Variants in GLI3 observed in about 807,000 individuals in gnomAD.
GLI3 encodes transcription activator GLI3.
GLI3 carries 20 observed loss-of-function variants against 100.8 expected under a neutral mutation model. The observed-to-expected ratio is 0.20, with a 90% CI of 0.14 to 0.29. The LOEUF is 0.29. Among genes scored for constraint, GLI3 ranks in the 10% least tolerant of loss-of-function variants. The pLI is 1.00. For missense variants in GLI3, 2,040 were observed against 2,128.5 expected (o/e 0.96, Z 0.82); for synonymous variants, 938 against 860.5 (o/e 1.09, Z -1.58).
chr7:42,197,526 A>G (rs1443600911), intron 2 of GLI3, among the ~76,000 whole-genome samples: 1 of 152,234 alleles, frequency 6.6e-6, no homozygotes, highest in Non-Finnish European at 1.5e-5. Context: ...CCTTGGGGCC[A>G]TATGTTCAAG....
At chr7:41,999,637 G>A (rs1172277941) in intron 10 of GLI3, among the ~76,000 whole-genome samples, 2 of 152,134 alleles carry the variant, frequency 1.3e-5, no homozygotes, top group African/African-American at 2.4e-5. Context: ...ATCTGTCGCC[G>A]ATGGATATGT....
intron 10 of GLI3, among the ~76,000 whole-genome samples, chr7:42,000,296 T>C (rs920969077): frequency 2.0e-5 from 3 of 152,238 alleles, no homozygotes; most frequent in African/African-American, 7.2e-5. Flanking sequence ...ATATAAACTT[T>C]ACGACTTGCT....
At position 42,023,567 on chromosome 7, in the gene GLI3, G is replaced by T; in HGVS notation, c.1398C>A (p.Asp466Glu). 6.2e-7 allele frequency: 1 copy of T among 1,612,700 alleles called. No individual in the cohort carries two copies. Among genetic ancestry groups the T allele is most frequent in the Non-Finnish European group, 8.5e-7 (1 of 1,179,612 alleles). The part of the protein sequence containing the change: ...EGTTLVKEEG[D>E]KDESKQEPEV... ...CAGGCTCCTGTTTGCTTTCATCTTT[G>T]TCCCCTTCCTCCTTGACAAGGGTTG... The change falls in exon 10 of 15, where the codon GAC becomes GAA. Residue 466 changes from aspartate (D) to glutamate (E), a missense_variant. Asp to Glu is a conservative substitution (Grantham distance 45). Around this residue, in one of 5 missense-constraint regions of GLI3, gnomAD observed 603 missense variants for 690.9 expected, o/e 0.87. Coordinates refer to ENST00000395925, the MANE Select transcript of GLI3 (RefSeq NM_000168.6).
intron 7 of GLI3, among the ~76,000 whole-genome samples, chr7:42,035,172 C>T (rs552622648): frequency 8.0e-4 from 93 of 116,752 alleles, no homozygotes; most frequent in African/African-American, 3.5e-3. Flanking sequence ...TTAAAGACGT[C>T]GGTAATTTGG....
chr7:41,977,493 T>C (rs993201079), intron 12 of GLI3, 65 bp downstream of exon 12: 94 of 1,530,574 alleles, frequency 6.1e-5, no homozygotes, highest in Non-Finnish European at 8.4e-5. Flanking sequence ...CGCCTTCCCA[T>C]GTGCCTTCCC....
At chr7:42,241,948 C>T (rs758659475), upstream of GLI3, among the ~76,000 whole-genome samples, 2 of 152,148 alleles carry the variant, frequency 1.3e-5, no homozygotes, top group Non-Finnish European at 2.9e-5. Context: ...TTTTCTGTAT[C>T]CCGCTTTTTC....
At chr7:42,054,110 G>A (rs2128744535) in intron 4 of GLI3, among the ~76,000 whole-genome samples, 1 of 152,274 alleles carries the variant, frequency 6.6e-6, no homozygotes, top group Admixed American at 6.5e-5. Flanking sequence ...AGTGGAAACT[G>A]TTTGTTGGTG....
At chr7:42,065,838 T>C (rs1784662737) in intron 4 of GLI3, among the ~76,000 whole-genome samples, 1 of 152,144 alleles carries the variant, frequency 6.6e-6, no homozygotes, top group Non-Finnish European at 1.5e-5. Context: ...GAAAACCAAA[T>C]GACTTAGTAG....
At chr7:42,127,950 C>T (rs867557091) in intron 3 of GLI3, among the ~76,000 whole-genome samples, 29 of 146,588 alleles carry the variant, frequency 2.0e-4, no homozygotes, top group African/African-American at 4.5e-4. Flanking sequence ...AGGCAGGAGG[C>T]GGAAGTTGCA....
At chr7:42,162,183 T>C (rs2128794071) in intron 2 of GLI3, among the ~76,000 whole-genome samples, 1 of 152,328 alleles carries the variant, frequency 6.6e-6, no homozygotes, top group Non-Finnish European at 1.5e-5. Context: ...GGCCTCTTCT[T>C]CAGGTTTTGA....
intron 2 of GLI3, among the ~76,000 whole-genome samples, chr7:42,217,985 AG>A (rs571160954): frequency 3.7e-4 from 56 of 152,332 alleles, no homozygotes; most frequent in Middle Eastern, 3.4e-3. Context: ...GAAACTGATG[AG>A]GAAACTAGAA....
At chr7:42,042,666 A>C (rs1784169185) in intron 6 of GLI3, among the ~76,000 whole-genome samples, 1 of 152,178 alleles carries the variant, frequency 6.6e-6, no homozygotes. Context: ...AAACCCTAGG[A>C]GCCTTAGATC....
At chr7:42,017,654 G>A (rs1400130411) in intron 10 of GLI3, among the ~76,000 whole-genome samples, 1 of 152,206 alleles carries the variant, frequency 6.6e-6, no homozygotes, top group African/African-American at 2.4e-5. Flanking sequence ...TGAAACCAAG[G>A]TTGAACGAGG....
chr7:42,135,554 C>A (rs572355062), intron 3 of GLI3, among the ~76,000 whole-genome samples: 1 of 152,218 alleles, frequency 6.6e-6, no homozygotes, highest in South Asian at 2.1e-4. Context: ...GGAAGGGATC[C>A]CAGTGGTCTT....
At chr7:42,067,859 G>C (rs1299533804) in intron 4 of GLI3, among the ~76,000 whole-genome samples, 1 of 152,230 alleles carries the variant, frequency 6.6e-6, no homozygotes, top group Non-Finnish European at 1.5e-5. Flanking sequence ...TCTGGGGCCA[G>C]GCTTCCATTC....
chr7:42,165,593 A>G (rs1404807237), intron 2 of GLI3, among the ~76,000 whole-genome samples: 1 of 152,222 alleles, frequency 6.6e-6, no homozygotes, highest in Non-Finnish European at 1.5e-5. Context: ...ATTAAATCAA[A>G]TAGACTGCTG....
At chr7:41,991,467 A>G (rs1787985613) in intron 10 of GLI3, among the ~76,000 whole-genome samples, 1 of 152,146 alleles carries the variant, frequency 6.6e-6, no homozygotes, top group Admixed American at 6.5e-5. Flanking sequence ...ACCCCCTATT[A>G]ACAGTACATC....
chr7:42,241,764 G>T (rs534433287), upstream of GLI3, among the ~76,000 whole-genome samples: 8 of 152,274 alleles, frequency 5.3e-5, no homozygotes, highest in South Asian at 1.7e-3. Context: ...AAGTTGGGAA[G>T]ATCTAAAACC....
intron 1 of GLI3, among the ~76,000 whole-genome samples, chr7:42,223,567 G>A (rs1351444820): frequency 1.3e-5 from 2 of 152,114 alleles, no homozygotes; most frequent in East Asian, 1.9e-4. Flanking sequence ...GGTATCAAAC[G>A]GTATAAAAAT....
Sources: allele counts gnomAD v4.1 joint callset (sites outside exome capture counted in the v4.1 genomes callset), GRCh38; gene constraint gnomAD v4.1.1; regional missense constraint gnomAD v4.1.1; transcripts MANE v1.5; gene names NCBI Gene and HGNC (gene_info 2026-07-23, HGNC 2026-07-21).